CR1: variants seen among roughly 807,000 people sequenced by gnomAD.
CR1 encodes complement C3b/C4b receptor 1 (Knops blood group), also known as complement receptor type 1.
In CR1, 116 loss-of-function variants were observed where a neutral mutation model predicts 187.3. The ratio of observed to expected loss-of-function variants is 0.62; its 90% CI spans 0.53 to 0.72. The LOEUF is 0.72. Ranked by LOEUF, CR1 falls within the 30% of genes least tolerant of loss-of-function variation. The pLI, the probability that CR1 is intolerant of heterozygous loss-of-function variation, is 0.00. For missense variants in CR1, 1,731 were observed against 2,110.7 expected (o/e 0.82, Z 3.52); for synonymous variants, 576 against 747.1 (o/e 0.77, Z 3.73).
At chr1:207,578,276 G>C in intron 29 of CR1, 73 bp downstream of exon 29, 1 of 1,611,126 alleles carries the variant, frequency 6.2e-7, no homozygotes, top group African/African-American at 1.3e-5. Context: ...ATGAGTATTT[G>C]TTAAGGGGGA....
At chr1:207,500,703 T>C (rs1303528546) in intron 1 of CR1, among the ~76,000 whole-genome samples, 17 of 152,370 alleles carry the variant, frequency 1.1e-4, no homozygotes, top group Non-Finnish European at 5.9e-5. Context: ...ACATTAACTT[T>C]AGAAAATAGT....
At chr1:207,622,069 ATG>A in intron 44 of CR1, 73 bp downstream of exon 44, 1 of 1,236,592 alleles carries the variant, frequency 8.1e-7, no homozygotes, top group East Asian at 2.5e-5. Flanking sequence ...AATGAATGAA[ATG>A]TAAAAAGAGA....
chr1:207,566,026 A>G lies in CR1; in HGVS notation c.3952+103A>G, dbSNP rs945116414. The G allele has an allele frequency of 4.8e-6, 7 of 1,447,456 alleles. 1 individual carries two copies. In the African/African-American group the frequency reaches 1.1e-4, roughly 22 times the overall value. The allele number at this position is 1,447,456 out of a possible 1,614,324, so 89.7% of individuals were successfully genotyped here. ...GTGATTCTTCAATATTCTAGTCTTA[A>G]TTATCGATTTAAAAATAGTTTATTT... On this transcript the variant is annotated intron_variant, in intron 24 of 46. Transcript: ENST00000367049.
rs770453006 is a variant in CR1 at position 207,639,430 on chromosome 1, G to A, written c.*21G>A. 3.1e-6 allele frequency: 5 copies of A among 1,592,446 alleles called. No homozygotes were observed. Among genetic ancestry groups the A allele is most frequent in the Non-Finnish European group, 4.3e-6 (5 of 1,167,868 alleles). ...CTTGACAAAGTACTATACAGCTGAA[G>A]AACATCTCGAATACAATTTTGGTGG... On this transcript the variant is annotated 3_prime_UTR_variant, in exon 47 of 47. Transcript: ENST00000367049.
At chr1:207,499,864 A>C (rs1239001656) in intron 1 of CR1, among the ~76,000 whole-genome samples, 1 of 152,192 alleles carries the variant, frequency 6.6e-6, no homozygotes, top group Non-Finnish European at 1.5e-5. Flanking sequence ...AATAAGCTTC[A>C]CATTTGGACA....
chr1:207,593,631 C>G (rs1265688668), intron 35 of CR1, among the ~76,000 whole-genome samples: 4 of 152,154 alleles, frequency 2.6e-5, no homozygotes, highest in Non-Finnish European at 5.9e-5. Flanking sequence ...AACTAAAGAG[C>G]TTCTGCACAG....
intron 4 of CR1, among the ~76,000 whole-genome samples, chr1:207,515,598 G>C (rs776201197): frequency 1.3e-5 from 2 of 152,056 alleles, no homozygotes; most frequent in African/African-American, 4.8e-5. Context: ...ATATTTGGAA[G>C]AGTCATTTTT....
At chr1:207,607,127 T>A in intron 35 of CR1, 124 bp from the exon 36 acceptor site, 1 of 660,952 alleles carries the variant, frequency 1.5e-6, no homozygotes, top group Non-Finnish European at 2.6e-6. Context: ...GTTTCTTCCT[T>A]CCGAGGTCTG....
chr1:207,629,009 TATGCGC>T lies in CR1; in HGVS notation c.7353-1507_7353-1502del, dbSNP rs1333454979. On this transcript the variant is annotated intron_variant, in intron 45 of 46. Coordinates refer to ENST00000367049, the MANE Select transcript of CR1 (RefSeq NM_000651.6). ...GCCTTGTTATTTCACTAGTTAAAAATATGCGCCTGCACGTTTTGATATTTCACTGTG... is the reference window on the plus strand; with the variant it reads ...GCCTTGTTATTTCACTAGTTAAAAATCTGCACGTTTTGATATTTCACTGTG... Among the ~76,000 whole-genome samples the T allele has an allele frequency of 1.5e-4, 23 of 152,328 alleles. No individual in the cohort carries two copies. In the East Asian group the frequency reaches 3.7e-3, roughly 24 times the overall value.
rs1659172752 is a variant in CR1 at position 207,498,876 on chromosome 1, T to TAAA, written c.121+2488_121+2489insAAA. ...CTGGGTGACAGAGCGCAACTCCAAA[T>TAAA]CAAAAAAAAAAAAAAAAGAAACAAA... On this transcript the variant is annotated intron_variant, in intron 1 of 46. Coordinates refer to ENST00000367049, the MANE Select transcript of CR1 (RefSeq NM_000651.6). Among the ~76,000 whole-genome samples, 36 of 4,838 alleles carry TAAA rather than the reference T, an allele frequency of 7.4e-3. No homozygotes were observed. The South Asian group carries it at 0.1, about 14-fold the overall frequency. The allele number at this position is 4,838 out of a possible 152,430, so 3.2% of individuals were successfully genotyped here.
At chr1:207,617,521 G>GTT (rs1662151493) in intron 41 of CR1, among the ~76,000 whole-genome samples, 1 of 78,494 alleles carries the variant, frequency 1.3e-5, no homozygotes, top group Non-Finnish European at 3.0e-5. Flanking sequence ...GTGTGTGTGT[G>GTT]TGTGTGTGTG....
At chr1:207,622,949 A>G in intron 44 of CR1, 44 bp from the exon 45 acceptor site, 1 of 1,366,262 alleles carries the variant, frequency 7.3e-7, no homozygotes, top group Non-Finnish European at 1.0e-6. Flanking sequence ...AAAACCTGTA[A>G]GTTATATTTT....
intron 46 of CR1, among the ~76,000 whole-genome samples, chr1:207,633,758 C>T (rs1054455252): frequency 2.6e-5 from 4 of 152,190 alleles, no homozygotes; most frequent in African/African-American, 4.8e-5. Context: ...TTTTCATGCA[C>T]GTCCCTGTGA....
chr1:207,624,220 C>T (rs55781018), intron 45 of CR1, among the ~76,000 whole-genome samples: 1 of 152,010 alleles, frequency 6.6e-6, no homozygotes, highest in East Asian at 1.9e-4. Context: ...GCCACTGGGC[C>T]CAGCCATCAT....
intron 45 of CR1, among the ~76,000 whole-genome samples, chr1:207,628,186 C>T (rs886635149): frequency 5.3e-5 from 8 of 152,140 alleles, no homozygotes; most frequent in Non-Finnish European, 1.2e-4. Context: ...CCTAATTACT[C>T]TGCCCATTTC....
In CR1 at chr1:207,616,602, T is replaced by C. The variant is rs745750052; in HGVS notation, c.6689T>C (p.Ile2230Thr). 8 of 1,613,786 alleles carry C rather than the reference T, an allele frequency of 5.0e-6. No homozygotes were observed. The South Asian group carries it at 8.8e-5, about 18-fold the overall frequency. The change falls in exon 41 of 47, where the codon ATC (isoleucine) becomes ACC (threonine). Residue 2230 changes from isoleucine to threonine, a missense_variant. Around this residue, in one of 5 missense-constraint regions of CR1, gnomAD observed 1,312 missense variants for 1,379.6 expected, o/e 0.95. Transcript: ENST00000367049. ...EQIFCPNPPA[I>T]LNGRHTGTPF... ...ATCTTTTGTCCAAATCCTCCAGCTA[T>C]CCTTAATGGGAGACACACAGGAACT...
intron 29 of CR1, 107 bp downstream of exon 29, chr1:207,578,310 G>A (rs1660832060): frequency 1.3e-6 from 2 of 1,592,504 alleles, no homozygotes; most frequent in South Asian, 1.1e-5. Context: ...AGGAGGGTGG[G>A]AAAGTAAGTT....
At chr1:207,506,648 C>T in intron 2 of CR1, 66 bp from the exon 3 acceptor site, 1 of 1,323,330 alleles carries the variant, frequency 7.6e-7, no homozygotes, top group East Asian at 2.3e-5. Flanking sequence ...AGGTTGAGAC[C>T]TTATGTACTA....
At chr1:207,575,729 T>C (rs540540947) in intron 28 of CR1, 49 bp downstream of exon 28, 18 of 1,609,918 alleles carry the variant, frequency 1.1e-5, no homozygotes, top group East Asian at 2.2e-5. Flanking sequence ...AATCCTAGAG[T>C]TGTCCTCCTA....
Sources: gnomAD v4.1 joint callset for allele counts (sites outside exome capture counted in the v4.1 genomes callset) on GRCh38, gnomAD v4.1.1 for gene constraint, gnomAD v4.1.1 regional missense constraint, MANE v1.5 for transcripts, NCBI Gene and HGNC (gene_info 2026-07-23, HGNC 2026-07-21) for gene names.